GRM8: variants seen among roughly 807,000 people sequenced by gnomAD.
GRM8 encodes glutamate metabotropic receptor 8, also known as metabotropic glutamate receptor 8.
GRM8 carries 47 observed loss-of-function variants against 87.2 expected under a neutral mutation model. The ratio of observed to expected loss-of-function variants is 0.54; its 90% CI spans 0.43 to 0.69. The LOEUF is 0.69. Ranked by LOEUF, GRM8 falls within the 30% of genes least tolerant of loss-of-function variation. The pLI is 0.00. For missense variants in GRM8, 1,019 were observed against 1,139.2 expected (o/e 0.89, Z 1.52); for synonymous variants, 396 against 404.5 (o/e 0.98, Z 0.25).
At chr7:126,498,463 C>T (rs1031166326) in intron 9 of GRM8, among the ~76,000 whole-genome samples, 1 of 151,770 alleles carries the variant, frequency 6.6e-6, no homozygotes, top group Non-Finnish European at 1.5e-5. Context: ...GCAAGAGTAC[C>T]TGGTTTCCAG....
intron 7 of GRM8, among the ~76,000 whole-genome samples, chr7:126,624,554 T>C (rs971150782): frequency 6.6e-6 from 1 of 152,252 alleles, no homozygotes; most frequent in Non-Finnish European, 1.5e-5. Context: ...CTGATCGATA[T>C]AAATCGCTGG....
intron 2 of GRM8, among the ~76,000 whole-genome samples, chr7:127,138,748 C>G (rs1828089622): frequency 6.6e-6 from 1 of 152,120 alleles, no homozygotes. Context: ...TAAAACAACT[C>G]TCTTTAGTGA....
At position 126,496,687 on chromosome 7, in the gene GRM8, A is replaced by G. The variant is rs1808792962; in HGVS notation, c.2430+36265T>C. ...AGAGGTCAGTTGCACTTAAACTATG[A>G]TTATCACTCAATAACTCGGTGGCTT... On this transcript the variant is annotated intron_variant, in intron 9 of 10. Coordinates refer to ENST00000339582, the MANE Select transcript of GRM8 (RefSeq NM_000845.3). 3.9e-5 allele frequency among the ~76,000 whole-genome samples: 6 copies of G among 151,970 alleles called. No homozygotes were observed. The South Asian group carries it at 1.2e-3, about 31-fold the overall frequency.
intron 7 of GRM8, among the ~76,000 whole-genome samples, chr7:126,629,647 A>G (rs1223783968): frequency 2.6e-5 from 4 of 152,186 alleles, no homozygotes; most frequent in Admixed American, 2.6e-4. Flanking sequence ...ATCTCTGACA[A>G]TAATTTATGG....
intron 9 of GRM8, among the ~76,000 whole-genome samples, chr7:126,527,147 T>G (rs894816570): frequency 6.6e-6 from 1 of 152,124 alleles, no homozygotes; most frequent in Non-Finnish European, 1.5e-5. Context: ...TCATTTGAGG[T>G]CAGGAGTTTG....
In GRM8 at chr7:126,533,479, T is replaced by C; in HGVS notation, c.1903A>G (p.Ile635Val). 5 of 1,613,986 alleles carry C rather than the reference T, an allele frequency of 3.1e-6. No individual in the cohort carries two copies. The highest frequency in any genetic ancestry group is 4.2e-6 in the Non-Finnish European group (5 of 1,179,978). ...LLTGIFLCYS[I>V]TFLMIAAPDT... Reference sequence around the variant, plus strand: ...GGTGCTGCAATCATTAAAAACGTGATTGAATAACAGAGAAAAATCCCCGTT... The same window carrying C: ...GGTGCTGCAATCATTAAAAACGTGACTGAATAACAGAGAAAAATCCCCGTT... Residue 635 changes from isoleucine (I) to valine (V), a missense_variant, in exon 9 of 11, where the codon ATC becomes GTC. Physicochemically the swap from Ile to Val is conservative, Grantham distance 29 (BLOSUM62 3). Transcript: ENST00000339582.
intron 7 of GRM8, among the ~76,000 whole-genome samples, chr7:126,731,819 C>T (rs753763823): frequency 1.8e-4 from 28 of 151,764 alleles, no homozygotes; most frequent in Non-Finnish European, 1.3e-4. Flanking sequence ...TCTATGATGT[C>T]TAATAAATAT....
intron 2 of GRM8, among the ~76,000 whole-genome samples, chr7:127,174,047 C>A (rs1437955631): frequency 6.6e-6 from 1 of 152,100 alleles, no homozygotes; most frequent in East Asian, 1.9e-4. Context: ...GGAATGAACA[C>A]CAGAAACATT....
At chr7:127,036,523 CA>C (rs537972612) in intron 3 of GRM8, among the ~76,000 whole-genome samples, 49 of 152,268 alleles carry the variant, frequency 3.2e-4, no homozygotes, top group African/African-American at 9.1e-4. Context: ...CCCAAATACT[CA>C]AAACTTTAAT....
intron 2 of GRM8, chr7:127,229,594 T>C (rs191829389): frequency 1.5e-3 from 227 of 152,352 alleles, no homozygotes; most frequent in African/African-American, 4.8e-3. Flanking sequence ...AGATCTCACA[T>C]TGAGCTCTCA....
At chr7:126,830,383 G>A (rs1426177044) in intron 6 of GRM8, among the ~76,000 whole-genome samples, 2 of 152,052 alleles carry the variant, frequency 1.3e-5, no homozygotes, top group African/African-American at 2.4e-5. Flanking sequence ...CCCATATTTC[G>A]TGGAGGCTTT....
At chr7:126,531,258 G>T (rs1024186848) in intron 9 of GRM8, among the ~76,000 whole-genome samples, 1 of 152,060 alleles carries the variant, frequency 6.6e-6, no homozygotes. Flanking sequence ...AAAATTCCTA[G>T]AGTTAGCATT....
At chr7:126,735,222 T>C (rs1286032323) in intron 7 of GRM8, among the ~76,000 whole-genome samples, 3 of 152,088 alleles carry the variant, frequency 2.0e-5, no homozygotes, top group Non-Finnish European at 4.4e-5. Flanking sequence ...AATGTATGTA[T>C]TCTCAAAGAG....
intron 6 of GRM8, among the ~76,000 whole-genome samples, chr7:126,889,398 T>C (rs1369471574): frequency 1.3e-5 from 2 of 152,062 alleles, no homozygotes; most frequent in African/African-American, 2.4e-5. Flanking sequence ...ATGGTCCAGT[T>C]GATAAAACTT....
chr7:126,997,180 T>C (rs776168444), intron 3 of GRM8, among the ~76,000 whole-genome samples: 6 of 150,676 alleles, frequency 4.0e-5, no homozygotes, highest in Non-Finnish European at 7.4e-5. Context: ...AATTGAATCA[T>C]ATGCTCCTGA....
chr7:127,004,965 T>A (rs916388873), intron 3 of GRM8, among the ~76,000 whole-genome samples: 13 of 151,612 alleles, frequency 8.6e-5, no homozygotes, highest in African/African-American at 3.1e-4. Flanking sequence ...CTTTCTTAGT[T>A]ACCTAATCAT....
chr7:126,722,566 T>C (rs1812500355), intron 7 of GRM8, among the ~76,000 whole-genome samples: 1 of 152,146 alleles, frequency 6.6e-6, no homozygotes, highest in Non-Finnish European at 1.5e-5. Context: ...GTCTTTCTTG[T>C]TTCCTATAGC....
At chr7:126,587,669 G>A (rs1796276347) in intron 8 of GRM8, among the ~76,000 whole-genome samples, 1 of 144,576 alleles carries the variant, frequency 6.9e-6, no homozygotes, top group Admixed American at 6.9e-5. Flanking sequence ...GACACACCGG[G>A]CCTGTCATGG....
chr7:126,882,267 T>C (rs1325548008), intron 6 of GRM8, among the ~76,000 whole-genome samples: 1 of 152,194 alleles, frequency 6.6e-6, no homozygotes, highest in East Asian at 1.9e-4. Context: ...TAATGTTTTA[T>C]GTATTTGGAT....
Sources: allele counts gnomAD v4.1 joint callset (sites outside exome capture counted in the v4.1 genomes callset), GRCh38; gene constraint gnomAD v4.1.1; transcripts MANE v1.5; gene names NCBI Gene and HGNC (gene_info 2026-07-23, HGNC 2026-07-21).